Variants in BCKDHB observed in about 807,000 individuals in gnomAD.
The protein encoded by BCKDHB is branched chain keto acid dehydrogenase E1 subunit beta.
A neutral mutation model predicts 48.5 loss-of-function variants in BCKDHB; 41 were observed. The ratio of observed to expected loss-of-function variants is 0.85; its 90% CI spans 0.66 to 1.10. BCKDHB has a LOEUF of 1.10. BCKDHB is among the 50% of genes least tolerant of loss of function. The pLI, the probability that BCKDHB is intolerant of heterozygous loss-of-function variation, is 0.00. For synonymous variants in BCKDHB, 201 were observed against 174.8 expected (o/e 1.15, Z -1.18); for missense variants, 496 against 494.2 (o/e 1.00, Z -0.03).
the BCKDHB span, among the ~76,000 whole-genome samples, chr6:80,379,473 A>C: frequency 1.3e-5 from 2 of 152,098 alleles, no homozygotes; most frequent in East Asian, 1.9e-4. Flanking sequence ...ATATATGACA[A>C]CCCCATAGTC....
At chr6:80,216,985 TC>T (rs1358546382) in intron 8 of BCKDHB, among the ~76,000 whole-genome samples, 3 of 152,092 alleles carry the variant, frequency 2.0e-5, no homozygotes, top group Admixed American at 6.6e-5. Flanking sequence ...GGTGGCTCAC[TC>T]CTGTAATCCT....
chr6:80,418,493 G>A, the BCKDHB span, among the ~76,000 whole-genome samples: 21 of 152,170 alleles, frequency 1.4e-4, no homozygotes, highest in Admixed American at 9.2e-4. Context: ...TGACCTTGAG[G>A]GTTTGATTAT....
chr6:80,187,404 A>C (rs1773692455), intron 6 of BCKDHB, among the ~76,000 whole-genome samples: 1 of 152,146 alleles, frequency 6.6e-6, no homozygotes, highest in East Asian at 1.9e-4. Context: ...TGTTGGGGGC[A>C]TGAGAACTAA....
chr6:80,336,487 A>C (rs1326868748), intron 9 of BCKDHB, among the ~76,000 whole-genome samples: 2 of 9,314 alleles, frequency 2.1e-4, no homozygotes, highest in African/African-American at 4.5e-4. Context: ...AAATCTTAGC[A>C]AAAAAAACCA....
At chr6:80,258,788 A>C (rs980346416) in intron 8 of BCKDHB, among the ~76,000 whole-genome samples, 1 of 151,748 alleles carries the variant, frequency 6.6e-6, no homozygotes, top group Non-Finnish European at 1.5e-5. Flanking sequence ...GCACTCATGC[A>C]TTCTATCACT....
At chr6:80,402,544 A>G in the BCKDHB span, among the ~76,000 whole-genome samples, 4 of 151,766 alleles carry the variant, frequency 2.6e-5, no homozygotes, top group Admixed American at 2.0e-4. Flanking sequence ...TGAACACTTT[A>G]TCCCATTCTG....
chr6:80,401,350 A>G, the BCKDHB span, among the ~76,000 whole-genome samples: 1 of 152,008 alleles, frequency 6.6e-6, no homozygotes, highest in Non-Finnish European at 1.5e-5. Flanking sequence ...AGCCAGGTAC[A>G]TATTAATCAC....
chr6:80,262,549 G>C (rs1263856247), intron 8 of BCKDHB, among the ~76,000 whole-genome samples: 1 of 152,012 alleles, frequency 6.6e-6, no homozygotes, highest in Non-Finnish European at 1.5e-5. Context: ...CAGTTTACAT[G>C]GCCTTTGGCA....
the BCKDHB span, among the ~76,000 whole-genome samples, chr6:80,414,657 C>G: frequency 1.3e-5 from 2 of 152,132 alleles, no homozygotes; most frequent in Admixed American, 1.3e-4. Flanking sequence ...GTTTTATTTA[C>G]TGTAGCCTTG....
chr6:80,373,852 A>G, the BCKDHB span, among the ~76,000 whole-genome samples: 1 of 152,044 alleles, frequency 6.6e-6, no homozygotes, highest in Non-Finnish European at 1.5e-5. Context: ...GTCCATTTGC[A>G]TGGAATATAT....
chr6:80,281,125 CTAAG>C (rs2127974788), intron 9 of BCKDHB, among the ~76,000 whole-genome samples: 1 of 151,852 alleles, frequency 6.6e-6, no homozygotes, highest in African/African-American at 2.4e-5. Flanking sequence ...AGGAGAGAAT[CTAAG>C]GTGTAGGAAA....
Position 80,217,284 on chromosome 6 carries a change from T to A in BCKDHB, c.951+14072T>A, listed in dbSNP as rs1775217592. Reference sequence around the variant, plus strand: ...AAACAAAACAAAACTGGGGCTACTCTTACCAGCCATGAATAGTCAATCTTT... The same window carrying A: ...AAACAAAACAAAACTGGGGCTACTCATACCAGCCATGAATAGTCAATCTTT... On this transcript the variant is annotated intron_variant, in intron 8 of 9. Transcript: ENST00000320393. Among the ~76,000 whole-genome samples the A allele has an allele frequency of 2.0e-5, 3 of 152,114 alleles. No individual in the cohort carries two copies. In the South Asian group the frequency reaches 6.2e-4, roughly 32 times the overall value.
chr6:80,430,080 G>A, the BCKDHB span, among the ~76,000 whole-genome samples: 3 of 152,188 alleles, frequency 2.0e-5, no homozygotes, highest in Non-Finnish European at 4.4e-5. Context: ...ATGAAGGGCT[G>A]TTGAATTTTG....
the BCKDHB span, among the ~76,000 whole-genome samples, chr6:80,428,898 G>C: frequency 5.9e-5 from 9 of 152,176 alleles, no homozygotes; most frequent in African/African-American, 2.2e-4. Context: ...TGTCAATTTT[G>C]GCTTTTGTTG....
At position 80,343,772 on chromosome 6, in the gene BCKDHB, T is replaced by G. The variant is rs398124566; in HGVS notation, c.1147T>G (p.Tyr383Asp). The change falls in exon 10 of 10, where the codon TAT (tyrosine) becomes GAT (aspartate). Residue 383 changes from tyrosine (Y) to aspartate (D), a missense_variant. Transcript: ENST00000320393. ...CTACATCCCAGACAAATGGAAGTGT[T>G]ATGATGCCCTTCGAAAAATGATCAA... The part of the protein sequence containing the change: ...PFYIPDKWKC[Y>D]DALRKMINY The G allele has an allele frequency of 6.2e-7, 1 of 1,613,974 alleles. No individual in the cohort carries two copies. Among genetic ancestry groups the G allele is most frequent in the Non-Finnish European group, 8.5e-7 (1 of 1,179,960 alleles).
intron 1 of BCKDHB, among the ~76,000 whole-genome samples, chr6:80,118,323 G>A (rs1582171072): frequency 6.6e-6 from 1 of 152,252 alleles, no homozygotes; most frequent in East Asian, 1.9e-4. Context: ...TCTAGTAAGT[G>A]TGCAATAGCA....
the BCKDHB span, among the ~76,000 whole-genome samples, chr6:80,462,019 C>A: frequency 6.6e-6 from 1 of 151,752 alleles, no homozygotes; most frequent in African/African-American, 2.4e-5. Context: ...TTTCCTAGCC[C>A]TTTCTGTTTA....
intron 9 of BCKDHB, among the ~76,000 whole-genome samples, chr6:80,331,534 A>G (rs983177927): frequency 6.6e-6 from 1 of 152,206 alleles, no homozygotes; most frequent in Non-Finnish European, 1.5e-5. Context: ...GAGTTTCAGT[A>G]TATATTCTTA....
chr6:80,153,867 C>G (rs1771911821), intron 3 of BCKDHB, among the ~76,000 whole-genome samples: 1 of 152,190 alleles, frequency 6.6e-6, no homozygotes, highest in South Asian at 2.1e-4. Context: ...ACCCATGTAT[C>G]GTGATGCCAG....
Sources: gnomAD v4.1 joint callset for allele counts (sites outside exome capture counted in the v4.1 genomes callset) on GRCh38, gnomAD v4.1.1 for gene constraint, MANE v1.5 for transcripts, NCBI Gene and HGNC (gene_info 2026-07-23, HGNC 2026-07-21) for gene names.